The following CLEC5A variants were observed in gnomAD, a reference collection of about 807,000 sequenced individuals.
CLEC5A encodes the protein C-type lectin domain containing 5A.
A neutral mutation model predicts 24.4 loss-of-function variants in CLEC5A; 15 were observed. The ratio of observed to expected loss-of-function variants is 0.62; its 90% CI spans 0.41 to 0.95. The LOEUF is 0.95. CLEC5A is among the 40% of genes least tolerant of loss of function. The pLI is 0.00. For missense variants in CLEC5A, 211 were observed against 224.0 expected (o/e 0.94, Z 0.37); for synonymous variants, 71 against 72.6 (o/e 0.98, Z 0.11).
At chr7:141,935,407 G>C (rs185186076) in intron 5 of CLEC5A, among the ~76,000 whole-genome samples, 2 of 152,008 alleles carry the variant, frequency 1.3e-5, no homozygotes, top group African/African-American at 2.4e-5. Context: ...GTCAGTTCAC[G>C]TCTTCCTTGT....
chr7:141,936,023 C>A, intron 4 of CLEC5A, 73 bp from the exon 5 acceptor site: 1 of 1,234,478 alleles, frequency 8.1e-7, no homozygotes, highest in Non-Finnish European at 1.2e-6. Flanking sequence ...AGTCATGAAA[C>A]AGTGATACAT....
intron 2 of CLEC5A, among the ~76,000 whole-genome samples, chr7:141,945,668 C>T (rs553058500): frequency 9.2e-5 from 14 of 152,308 alleles, no homozygotes; most frequent in African/African-American, 2.4e-4. Context: ...CTCCCACTCA[C>T]GTTTCCTTCC....
At chr7:141,939,444 CA>C (rs1207492836) in intron 4 of CLEC5A, among the ~76,000 whole-genome samples, 2 of 151,276 alleles carry the variant, frequency 1.3e-5, no homozygotes, top group African/African-American at 4.9e-5. Flanking sequence ...ATATGAAAAA[CA>C]AAAAGCAGGA....
chr7:141,943,534 A>G (rs1802860607), intron 4 of CLEC5A, among the ~76,000 whole-genome samples: 2 of 152,144 alleles, frequency 1.3e-5, no homozygotes, highest in East Asian at 1.9e-4. Flanking sequence ...CAGGGTGACT[A>G]TAGTCAAACA....
intron 5 of CLEC5A, among the ~76,000 whole-genome samples, chr7:141,932,716 A>G (rs1262658133): frequency 1.3e-5 from 2 of 152,330 alleles, no homozygotes; most frequent in Non-Finnish European, 2.9e-5. Flanking sequence ...AGAAATTATG[A>G]TCAAGAGGGT....
chr7:141,939,670 T>C (rs1285948), intron 4 of CLEC5A, among the ~76,000 whole-genome samples: 135,637 of 152,096 alleles, frequency 0.89, 61,320 homozygotes, highest in Non-Finnish European at 0.97. Context: ...CAAGACCTAA[T>C]GATCTATTTC....
Position 141,935,868 on chromosome 7 carries a change from G to A in CLEC5A, c.291C>T (p.Asp97=). The change falls in exon 5 of 7, where the codon GAC becomes GAT. Residue 97 remains aspartate, a synonymous_variant. Transcript: ENST00000546910. ...TSESSWNESR[D]FCKGKGSTLA... is the part of the protein sequence containing the mutation. ...ATGTGGATCCTTTTCCTTTGCAAAA[G>A]TCCCTGCTTTCATTCCAAGATGATT... The A allele has an allele frequency of 6.2e-7, 1 of 1,613,746 alleles. No individual in the cohort carries two copies. The highest frequency in any genetic ancestry group is 8.5e-7 in the Non-Finnish European group (1 of 1,179,652).
chr7:141,941,813 C>G (rs1802802772), intron 4 of CLEC5A, among the ~76,000 whole-genome samples: 1 of 151,936 alleles, frequency 6.6e-6, no homozygotes, highest in Non-Finnish European at 1.5e-5. Context: ...AATTAAGAGA[C>G]TAATCCCATT....
chr7:141,931,687 A>G, intron 6 of CLEC5A, 33 bp downstream of exon 6: 1 of 1,206,876 alleles, frequency 8.3e-7, no homozygotes, highest in Non-Finnish European at 1.2e-6. Context: ...AAGCAAACCA[A>G]GATCCCCAGG....
chr7:141,931,946 A>G (rs12673939), intron 5 of CLEC5A, 120 bp from the exon 6 acceptor site: 30,424 of 559,956 alleles, frequency 0.054, 1,451 homozygotes, highest in South Asian at 0.17. Flanking sequence ...CTCTGGGACC[A>G]GCTATAGCTG....
At chr7:141,940,525 A>G (rs571835830) in intron 4 of CLEC5A, among the ~76,000 whole-genome samples, 4 of 152,062 alleles carry the variant, frequency 2.6e-5, no homozygotes, top group African/African-American at 7.2e-5. Context: ...TTAAAGAACT[A>G]AAAAAGCAAG....
chr7:141,935,691 T>C, intron 5 of CLEC5A, 123 bp downstream of exon 5: 1 of 845,310 alleles, frequency 1.2e-6, no homozygotes, highest in East Asian at 2.5e-5. Context: ...CTTCAGTTTT[T>C]CAGCCAGCCA....
At chr7:141,935,738 C>A (rs76913321) in intron 5 of CLEC5A, 76 bp downstream of exon 5, 24 of 1,416,748 alleles carry the variant, frequency 1.7e-5, no homozygotes, top group Non-Finnish European at 2.3e-5. Context: ...CCCCACTCCC[C>A]CAAGTTTCTA....
At chr7:141,941,170 A>G (rs1802787033) in intron 4 of CLEC5A, among the ~76,000 whole-genome samples, 1 of 152,250 alleles carries the variant, frequency 6.6e-6, no homozygotes, top group East Asian at 1.9e-4. Flanking sequence ...TTGATGCAAA[A>G]CACCTCAACA....
chr7:141,934,010 G>C (rs1802543927), intron 5 of CLEC5A, among the ~76,000 whole-genome samples: 1 of 152,144 alleles, frequency 6.6e-6, no homozygotes, highest in Admixed American at 6.5e-5. Flanking sequence ...CCTGTGTATG[G>C]CCCCCTGAGT....
Position 141,930,130 on chromosome 7 carries a change from T to G in CLEC5A, c.541A>C (p.Arg181=), listed in dbSNP as rs557252629. 16 of 1,614,128 alleles carry G rather than the reference T, an allele frequency of 9.9e-6. No homozygotes were observed. In the East Asian group the frequency reaches 3.1e-4, roughly 31 times the overall value. Residue 181 remains arginine (R), a synonymous_variant, in exon 7 of 7, where the codon AGG becomes CGG. Coordinates refer to ENST00000546910, the MANE Select transcript of CLEC5A (RefSeq NM_013252.3). ...DAASCDISYR[R]ICEKNAK ...CATTTGGCATTCTTCTCACAGATCC[T>G]GCGGTAGCTGATGTCACATGATGCA...
intron 5 of CLEC5A, among the ~76,000 whole-genome samples, chr7:141,935,505 T>G (rs1368011235): frequency 2.6e-5 from 4 of 152,206 alleles, no homozygotes; most frequent in African/African-American, 7.2e-5. Context: ...CATCATCTCA[T>G]TTGGTCATTT....
Position 141,930,210 on chromosome 7 carries a change from T to C in CLEC5A, c.461A>G (p.Asn154Ser), listed in dbSNP as rs1368852697. The C allele has an allele frequency of 2.5e-6, 4 of 1,611,688 alleles. No homozygotes were observed. Among genetic ancestry groups the C allele is most frequent in the East Asian group, 2.2e-5 (1 of 44,862 alleles). ...CGCACAGTTGAAATTCTGATTCTGATTGGTAACACTAAATGAGAAAACAAA... is the reference window on the plus strand; with the variant it reads ...CGCACAGTTGAAATTCTGATTCTGACTGGTAACACTAAATGAGAAAACAAA... ...NNSVFNGNVT[N>S]QNQNFNCATI... Residue 154 changes from asparagine to serine, a missense_variant, in exon 7 of 7, where the codon AAT becomes AGT. Physicochemically the swap from Asn to Ser is conservative, Grantham distance 46. Coordinates refer to ENST00000546910, the MANE Select transcript of CLEC5A (RefSeq NM_013252.3).
At chr7:141,936,303 G>T (rs782244817) in intron 4 of CLEC5A, 1 of 298,892 alleles carries the variant, frequency 3.3e-6, no homozygotes, top group South Asian at 3.2e-5. Context: ...ACTGCAGAGG[G>T]TAGGAAAGAT....
Sources: gnomAD v4.1 joint callset for allele counts (sites outside exome capture counted in the v4.1 genomes callset) on GRCh38, gnomAD v4.1.1 for gene constraint, MANE v1.5 for transcripts, NCBI Gene and HGNC (gene_info 2026-07-23, HGNC 2026-07-21) for gene names.